The following CCT5 variants were observed in gnomAD, a reference collection of about 807,000 sequenced individuals.
The protein encoded by CCT5 is chaperonin containing TCP1 subunit 5, also known as T-complex protein 1 subunit epsilon.
In CCT5, 6 loss-of-function variants were observed where a neutral mutation model predicts 55.0. The ratio of observed to expected loss-of-function variants is 0.11; its 90% CI spans 0.06 to 0.22. CCT5 has a LOEUF of 0.22. Among genes scored for constraint, CCT5 ranks in the 10% least tolerant of loss-of-function variants. The probability of loss-of-function intolerance (pLI) is 1.00; values close to 1 mark genes in which losing one functional copy is unlikely to be tolerated. For synonymous variants in CCT5, 231 were observed against 243.7 expected, an observed-to-expected ratio of 0.95 and a Z score of 0.49; for missense variants, 560 against 694.6, an observed-to-expected ratio of 0.81 and a Z score of 2.18.
At chr5:10,256,388 A>G (rs938630952) in intron 4 of CCT5, among the ~76,000 whole-genome samples, 1 of 152,248 alleles carries the variant, frequency 6.6e-6, no homozygotes, top group African/African-American at 2.4e-5. Flanking sequence ...TTTGCAAAAT[A>G]TAGTTATTTT....
At chr5:10,262,189 C>G (rs1746000731) in intron 8 of CCT5, 1 of 434,354 alleles carries the variant, frequency 2.3e-6, no homozygotes, top group African/African-American at 2.0e-5. Context: ...TTGACGATCT[C>G]TGTTCTTTGA....
At chr5:10,255,854 G>A in intron 3 of CCT5, 101 bp from the exon 4 acceptor site, 1 of 1,009,618 alleles carries the variant, frequency 9.9e-7, no homozygotes. Context: ...CTTAATTCTA[G>A]AAGCTGCTTC....
Position 10,263,316 on chromosome 5 carries a change from TGAG to T in CCT5, c.1498+6_1498+8del. 1 of 1,599,852 alleles carries T rather than the reference TGAG, an allele frequency of 6.3e-7. No homozygotes were observed. Among genetic ancestry groups the T allele is most frequent in the Non-Finnish European group, 8.5e-7 (1 of 1,175,174 alleles). Reference sequence around the variant, plus strand: ...ACTGTTTGCACAAGGGGACAAATGGTGAGGAGCTGTCACGCCTCTGCGTGGAGG... The same window carrying T: ...ACTGTTTGCACAAGGGGACAAATGGTGAGCTGTCACGCCTCTGCGTGGAGG... On this transcript the variant is annotated splice_donor_5th_base_variant and intron_variant, in intron 10 of 10. Transcript: ENST00000280326.
chr5:10,257,686 A>C (rs997496136), intron 4 of CCT5, among the ~76,000 whole-genome samples: 2 of 152,340 alleles, frequency 1.3e-5, no homozygotes, highest in Middle Eastern at 3.4e-3. Flanking sequence ...GGTTAGTGCT[A>C]CACTTCATTG....
chr5:10,260,984 C>A, intron 7 of CCT5, 73 bp downstream of exon 7: 1 of 1,507,070 alleles, frequency 6.6e-7, no homozygotes, highest in Non-Finnish European at 9.2e-7. Context: ...TTTTGATAGC[C>A]CTGCCTTAAA....
intron 6 of CCT5, 147 bp from the exon 7 acceptor site, chr5:10,260,645 T>C (rs1360690195): frequency 7.3e-6 from 6 of 816,440 alleles, no homozygotes; most frequent in Non-Finnish European, 2.1e-6. Context: ...AGTGGACACT[T>C]GTCTATTTCC....
chr5:10,263,142 C>G lies in CCT5; in HGVS notation c.1326C>G (p.Thr442=). 1 of 1,614,154 alleles carries G rather than the reference C, an allele frequency of 6.2e-7. No individual in the cohort carries two copies. The highest frequency in any genetic ancestry group is 8.5e-7 in the Non-Finnish European group (1 of 1,180,006). Residue 442 remains threonine (T), a synonymous_variant, in exon 10 of 11, where the codon ACC becomes ACG. Transcript: ENST00000280326. ...AVSQEADKCP[T]LEQYAMRAFA... The stretch of plus-strand genomic sequence containing the variant: ...CTTCTGTACCTTTCCAGTGCCCCAC[C>G]TTAGAACAGTATGCCATGAGAGCGT...
At chr5:10,257,377 C>A (rs1745735377) in intron 4 of CCT5, among the ~76,000 whole-genome samples, 1 of 152,228 alleles carries the variant, frequency 6.6e-6, no homozygotes, top group South Asian at 2.1e-4. Context: ...TTGAAGTGTA[C>A]AAATCAGTTT....
rs534060693 is a variant in CCT5 at position 10,259,883 on chromosome 5, G to A, written c.874-909G>A. On this transcript the variant is annotated intron_variant, in intron 6 of 10. Transcript: ENST00000280326. ...AGAATGAGAAGGGAATGACGATGGG[G>A]CTAGATAGTAAAATGTTAAAGAATG... 1.4e-4 allele frequency among the ~76,000 whole-genome samples: 22 copies of A among 152,284 alleles called. No homozygotes were observed. In the East Asian group the frequency reaches 4.1e-3, roughly 28 times the overall value.
chr5:10,250,469 C>CG, intron 1 of CCT5, 24 bp downstream of exon 1: 1 of 1,611,404 alleles, frequency 6.2e-7, no homozygotes, highest in East Asian at 2.2e-5. Flanking sequence ...GACCTGCTCG[C>CG]GGTGGGCTAA....
intron 3 of CCT5, among the ~76,000 whole-genome samples, chr5:10,255,383 A>G (rs1296264468): frequency 6.6e-6 from 1 of 152,338 alleles, no homozygotes; most frequent in African/African-American, 2.4e-5. Flanking sequence ...AAGATTTGAA[A>G]TCTTTAAAAA....
chr5:10,254,018 C>A, intron 1 of CCT5, 127 bp from the exon 2 acceptor site: 1 of 711,484 alleles, frequency 1.4e-6, no homozygotes, highest in South Asian at 1.5e-5. Flanking sequence ...GTCTGTTGCC[C>A]CTTAAATGTA....
chr5:10,264,739 T>C lies in CCT5; in HGVS notation c.1582T>C (p.Leu528=). 1.9e-6 allele frequency: 3 copies of C among 1,613,626 alleles called. No homozygotes were observed. Among genetic ancestry groups the C allele is most frequent in the Non-Finnish European group, 1.7e-6 (2 of 1,179,548 alleles). ...TGCAACACAAATGGTTAGAATGATT[T>C]TGAAGATTGATGACATTCGTAAGCC... ...SLATQMVRMI[L]KIDDIRKPGE... is the part of the protein sequence containing the mutation. Residue 528 remains leucine, a synonymous_variant, in exon 11 of 11, where the codon TTG becomes CTG. Coordinates refer to ENST00000280326, the MANE Select transcript of CCT5 (RefSeq NM_012073.5).
intron 2 of CCT5, 123 bp downstream of exon 2, chr5:10,254,328 A>C: frequency 1.4e-6 from 1 of 739,712 alleles, no homozygotes; most frequent in Non-Finnish European, 2.4e-6. Context: ...ACACAGCCAA[A>C]ATTTTTTAGT....
intron 1 of CCT5, chr5:10,250,887 C>G (rs1745362126): frequency 2.9e-6 from 3 of 1,038,724 alleles, no homozygotes; most frequent in Non-Finnish European, 3.5e-6. Context: ...CTTTGTCACT[C>G]GTAAAGGTGT....
intron 2 of CCT5, 103 bp from the exon 3 acceptor site, chr5:10,254,571 A>C: frequency 2.0e-6 from 2 of 988,880 alleles, no homozygotes; most frequent in South Asian, 2.6e-5. Context: ...ATTTGTATAT[A>C]ATAAATTGCA....
upstream of CCT5, chr5:10,250,124 T>A: frequency 6.5e-7 from 1 of 1,531,930 alleles, no homozygotes; most frequent in South Asian, 1.2e-5. Context: ...TCTTCAAACC[T>A]CCCCCTCCCC....
intron 4 of CCT5, among the ~76,000 whole-genome samples, chr5:10,257,623 T>C (rs962151366): frequency 2.0e-5 from 3 of 152,238 alleles, no homozygotes; most frequent in African/African-American, 7.2e-5. Flanking sequence ...ATAATGGATG[T>C]TGTGGTGAAT....
chr5:10,250,157 C>A, upstream of CCT5: 1 of 1,536,704 alleles, frequency 6.5e-7, no homozygotes, highest in South Asian at 1.2e-5. Flanking sequence ...AATAGAAGTT[C>A]CCGAAGGCCG....
Sources: gnomAD v4.1 joint callset for allele counts (sites outside exome capture counted in the v4.1 genomes callset) on GRCh38, gnomAD v4.1.1 for gene constraint, MANE v1.5 for transcripts, NCBI Gene and HGNC (gene_info 2026-07-23, HGNC 2026-07-21) for gene names.